The following DAP variants were observed in gnomAD, a reference collection of about 807,000 sequenced individuals.
DAP encodes the protein death-associated protein 1.
In DAP, 8 loss-of-function variants were observed where a neutral mutation model predicts 13.8. That is an observed-to-expected ratio of 0.58 (90% CI 0.34 to 1.05). DAP has a LOEUF of 1.05. Ranked by LOEUF, DAP falls within the 50% of genes least tolerant of loss-of-function variation. The probability of loss-of-function intolerance (pLI) is 0.03; values close to 1 mark genes in which losing one functional copy is unlikely to be tolerated. For missense variants in DAP, 106 were observed against 133.2 expected, an observed-to-expected ratio of 0.80 and a Z score of 1.01; for synonymous variants, 47 against 47.5, an observed-to-expected ratio of 0.99 and a Z score of 0.04.
chr5:10,745,484 CA>C (rs1284176145), intron 2 of DAP, among the ~76,000 whole-genome samples: 1 of 152,168 alleles, frequency 6.6e-6, no homozygotes, highest in Non-Finnish European at 1.5e-5. Context: ...AGATAGAGAA[CA>C]AATCTTTAAG....
At chr5:10,698,830 A>G (rs1210780974) in intron 2 of DAP, among the ~76,000 whole-genome samples, 1 of 152,244 alleles carries the variant, frequency 6.6e-6, no homozygotes, top group Non-Finnish European at 1.5e-5. Context: ...AGGGAGACAC[A>G]GCCTCCAATA....
At chr5:10,752,742 C>T (rs576825712) in intron 1 of DAP, among the ~76,000 whole-genome samples, 4 of 152,236 alleles carry the variant, frequency 2.6e-5, no homozygotes, top group Non-Finnish European at 5.9e-5. Flanking sequence ...TGCTGAAGCT[C>T]TCTGTGCCTC....
chr5:10,739,150 C>T (rs751311596), intron 2 of DAP, among the ~76,000 whole-genome samples: 24 of 128,122 alleles, frequency 1.9e-4, no homozygotes, highest in African/African-American at 5.0e-4. Context: ...TGCAGAGAGC[C>T]GAGATCGCAC....
intron 2 of DAP, among the ~76,000 whole-genome samples, chr5:10,731,997 A>G (rs1480332211): frequency 6.6e-6 from 1 of 152,216 alleles, no homozygotes; most frequent in East Asian, 1.9e-4. Context: ...CTGGGCCTGC[A>G]GCCTGGCTGC....
chr5:10,717,213 T>C (rs543067722), intron 2 of DAP, among the ~76,000 whole-genome samples: 3 of 152,184 alleles, frequency 2.0e-5, no homozygotes, highest in Non-Finnish European at 4.4e-5. Context: ...CAGAAGCAGA[T>C]ACTGAACCTC....
chr5:10,681,715 GAGCC>G (rs1738010461), intron 3 of DAP, among the ~76,000 whole-genome samples: 1 of 151,052 alleles, frequency 6.6e-6, no homozygotes, highest in African/African-American at 2.4e-5. Flanking sequence ...CTCCAGGCCA[GAGCC>G]CACCAGCGTC....
rs971046059 is a variant in DAP, at chr5:10,707,638, G to T, written c.153-24067C>A. On this transcript the variant is annotated intron_variant, in intron 2 of 3. Transcript: ENST00000230895. This position sits in a 1 kb window ranked among gnomAD's most constrained non-coding sequence, Gnocchi z 4.0. Reference sequence around the variant, plus strand: ...GCACAGGCGGCGTGATGTACAGGTGGTGTGATGCACGGGTGGTGTGATTTG... The same window carrying T: ...GCACAGGCGGCGTGATGTACAGGTGTTGTGATGCACGGGTGGTGTGATTTG... Among the ~76,000 whole-genome samples, 11 of 152,002 alleles carry T rather than the reference G, an allele frequency of 7.2e-5. No individual in the cohort carries two copies. The highest frequency in any genetic ancestry group is 1.7e-4 in the African/African-American group (7 of 41,362).
intron 2 of DAP, among the ~76,000 whole-genome samples, chr5:10,704,738 C>T (rs1738658704): frequency 6.6e-6 from 1 of 152,080 alleles, no homozygotes; most frequent in African/African-American, 2.4e-5. Context: ...GTTTGTGTGG[C>T]CTTTCACTGA....
intron 2 of DAP, among the ~76,000 whole-genome samples, chr5:10,746,796 G>C (rs1400398162): frequency 6.6e-6 from 1 of 152,134 alleles, no homozygotes; most frequent in Non-Finnish European, 1.5e-5. Context: ...AACTCATACT[G>C]TATCAGGTTT....
In DAP at chr5:10,690,518, C is replaced by T. The variant is rs142969703; in HGVS notation, c.153-6947G>A. On this transcript the variant is annotated intron_variant, in intron 2 of 3. Coordinates refer to ENST00000230895, the MANE Select transcript of DAP (RefSeq NM_004394.3). ...CCCCTGGCCATCACCGTGAGTTTAACTGCCCTAGGGATCTCATGTAAGTGG... is the reference window on the plus strand; with the variant it reads ...CCCCTGGCCATCACCGTGAGTTTAATTGCCCTAGGGATCTCATGTAAGTGG... 1.8e-3 allele frequency among the ~76,000 whole-genome samples: 270 copies of T among 152,332 alleles called. 1 individual carries two copies. The highest frequency in any genetic ancestry group is 1.3e-3 in the Non-Finnish European group (91 of 68,038).
intron 2 of DAP, among the ~76,000 whole-genome samples, chr5:10,743,960 T>G (rs1368372452): frequency 6.6e-6 from 1 of 152,226 alleles, no homozygotes; most frequent in African/African-American, 2.4e-5. Context: ...TTTAAGTCTG[T>G]GGAAAGCTAC....
At chr5:10,743,665 A>G (rs373227709) in intron 2 of DAP, among the ~76,000 whole-genome samples, 3 of 152,314 alleles carry the variant, frequency 2.0e-5, no homozygotes, top group South Asian at 4.1e-4. Flanking sequence ...CTATGTCTGC[A>G]GTCTCTCCTT....
intron 2 of DAP, among the ~76,000 whole-genome samples, chr5:10,698,126 C>G (rs1241512823): frequency 6.6e-6 from 1 of 151,944 alleles, no homozygotes; most frequent in African/African-American, 2.4e-5. Flanking sequence ...GAGAGCACAG[C>G]TACTCACCAG....
intron 2 of DAP, among the ~76,000 whole-genome samples, chr5:10,703,639 T>C: frequency 6.6e-6 from 1 of 152,258 alleles, no homozygotes; most frequent in South Asian, 2.1e-4. Flanking sequence ...GCTATAAATA[T>C]GCAGTGTTAA....
chr5:10,712,262 T>C (rs1214498255), intron 2 of DAP, among the ~76,000 whole-genome samples: 1 of 152,200 alleles, frequency 6.6e-6, no homozygotes, highest in Non-Finnish European at 1.5e-5. Context: ...CCTCCAGAAC[T>C]GTGAGACAGC....
rs78891806 is a variant in DAP at position 10,684,467 on chromosome 5, T to C, written c.153-896A>G. Among the ~76,000 whole-genome samples, 239 of 152,292 alleles carry C rather than the reference T, an allele frequency of 1.6e-3. 2 individuals carry two copies. Among genetic ancestry groups the C allele is most frequent in the African/African-American group, 5.5e-3 (230 of 41,560 alleles). Reference sequence around the variant, plus strand: ...GGGAATGGATGCAGTACCAAAGCAGTACAGCTCAGTGTGAAAAAACAGACA... The same window carrying C: ...GGGAATGGATGCAGTACCAAAGCAGCACAGCTCAGTGTGAAAAAACAGACA... On this transcript the variant is annotated intron_variant, in intron 2 of 3. Transcript: ENST00000230895.
intron 2 of DAP, among the ~76,000 whole-genome samples, chr5:10,742,404 G>A (rs1161415588): frequency 1.3e-5 from 2 of 152,176 alleles, no homozygotes; most frequent in Non-Finnish European, 2.9e-5. Context: ...GCAGGTGCCT[G>A]TAATCCCAGC....
At chr5:10,755,737 A>T (rs895380733) in intron 1 of DAP, among the ~76,000 whole-genome samples, 1 of 152,376 alleles carries the variant, frequency 6.6e-6, no homozygotes, top group South Asian at 2.1e-4. Context: ...AGAAACAAAA[A>T]AAACTTCTGA....
intron 2 of DAP, among the ~76,000 whole-genome samples, chr5:10,687,493 G>C (rs573991708): frequency 5.3e-5 from 8 of 152,088 alleles, no homozygotes; most frequent in Non-Finnish European, 1.2e-4. Flanking sequence ...GTAACTTTGA[G>C]GGGGTTCAAG....
Sources: allele counts gnomAD v4.1 joint callset (sites outside exome capture counted in the v4.1 genomes callset), GRCh38; gene constraint gnomAD v4.1.1; non-coding constraint Gnocchi (gnomAD v3.1); transcripts MANE v1.5; gene names NCBI Gene and HGNC (gene_info 2026-07-23, HGNC 2026-07-21).